DLC1: variants seen among roughly 807,000 people sequenced by gnomAD.
DLC1 encodes the protein DLC1 Rho GTPase activating protein.
A neutral mutation model predicts 140.3 loss-of-function variants in DLC1; 54 were observed. That is an observed-to-expected ratio of 0.38 (90% CI 0.31 to 0.48). The LOEUF (loss-of-function observed/expected upper bound fraction) is 0.48, where lower values mean the gene tolerates loss of function less well. Ranked by LOEUF, DLC1 falls within the 20% of genes least tolerant of loss-of-function variation. The pLI is 0.96. For synonymous variants in DLC1, 986 were observed against 728.1 expected (o/e 1.35, Z -5.70); for missense variants, 2,536 against 1,907.0 (o/e 1.33, Z -6.14).
intron 2 of DLC1, among the ~76,000 whole-genome samples, chr8:13,478,062 G>T (rs895569815): frequency 1.3e-5 from 2 of 152,124 alleles, no homozygotes; most frequent in East Asian, 3.8e-4. Flanking sequence ...GGTTGTTCTC[G>T]CATTGCTATA....
chr8:13,399,443 T>C (rs1177591438), intron 3 of DLC1, among the ~76,000 whole-genome samples: 1 of 152,176 alleles, frequency 6.6e-6, no homozygotes, highest in Non-Finnish European at 1.5e-5. Context: ...ATCCTCTCTC[T>C]CTGAAGCTCA....
chr8:13,123,241 T>C (rs1314406141), intron 5 of DLC1, among the ~76,000 whole-genome samples: 2 of 152,160 alleles, frequency 1.3e-5, no homozygotes, highest in African/African-American at 2.4e-5. Context: ...ATGTCCCACA[T>C]GTCCTGGCCC....
intron 4 of DLC1, among the ~76,000 whole-genome samples, chr8:13,375,919 G>T (rs1309075534): frequency 6.6e-6 from 1 of 152,188 alleles, no homozygotes; most frequent in Non-Finnish European, 1.5e-5. Flanking sequence ...GTCAACATCG[G>T]CTACAAAATA....
intron 4 of DLC1, among the ~76,000 whole-genome samples, chr8:13,389,939 CTTAAAA>C (rs910828664): frequency 2.6e-5 from 4 of 152,150 alleles, no homozygotes; most frequent in Non-Finnish European, 5.9e-5. Flanking sequence ...CATATTTCTA[CTTAAAA>C]TTAAAACTTT....
At chr8:13,136,583 C>G (rs1207875116) in intron 5 of DLC1, among the ~76,000 whole-genome samples, 1 of 152,218 alleles carries the variant, frequency 6.6e-6, no homozygotes, top group African/African-American at 2.4e-5. Flanking sequence ...TCTCAGATCA[C>G]TGCAGCCGAA....
At chr8:13,562,631 T>A (rs1160956524) in intron 1 of DLC1, among the ~76,000 whole-genome samples, 1 of 152,154 alleles carries the variant, frequency 6.6e-6, no homozygotes, top group African/African-American at 2.4e-5. Flanking sequence ...AAATGTCATA[T>A]GTGTACTGCC....
At chr8:13,294,088 C>G in intron 5 of DLC1, among the ~76,000 whole-genome samples, 1 of 152,074 alleles carries the variant, frequency 6.6e-6, no homozygotes, top group East Asian at 1.9e-4. Context: ...ATGCGGAAAA[C>G]CCCCTGTGCT....
upstream of DLC1, among the ~76,000 whole-genome samples, chr8:13,518,955 CT>C (rs1418482079): frequency 6.6e-6 from 1 of 151,646 alleles, no homozygotes; most frequent in East Asian, 1.9e-4. Flanking sequence ...CATGTGTTTT[CT>C]TTTTTTAAAA....
intron 5 of DLC1, among the ~76,000 whole-genome samples, chr8:13,197,107 T>G (rs1461366678): frequency 6.6e-6 from 1 of 152,196 alleles, no homozygotes; most frequent in Non-Finnish European, 1.5e-5. Flanking sequence ...TAATCCTGCA[T>G]ATAGTTTCCT....
intron 2 of DLC1, among the ~76,000 whole-genome samples, chr8:13,461,947 C>G (rs1359647723): frequency 6.6e-6 from 1 of 152,204 alleles, no homozygotes; most frequent in Non-Finnish European, 1.5e-5. Context: ...GTATTTATCT[C>G]TGGTCATATC....
intron 6 of DLC1, among the ~76,000 whole-genome samples, chr8:13,114,327 A>C (rs1820363851): frequency 6.6e-6 from 1 of 152,164 alleles, no homozygotes; most frequent in African/African-American, 2.4e-5. Flanking sequence ...ACACCACTGA[A>C]CTCCAGCCAG....
chr8:13,460,131 G>A (rs1378258), intron 2 of DLC1, among the ~76,000 whole-genome samples: 35,054 of 152,180 alleles, frequency 0.23, 5,044 homozygotes, highest in Middle Eastern at 0.36. Flanking sequence ...TTGAGCACAT[G>A]AGCACATGAA....
At chr8:13,090,149 C>A in intron 15 of DLC1, 103 bp downstream of exon 15, 2 of 1,126,576 alleles carry the variant, frequency 1.8e-6, no homozygotes. Flanking sequence ...AGGTTGTGGG[C>A]TACAGATCCC....
At chr8:13,313,702 C>T (rs1384876464) in intron 4 of DLC1, among the ~76,000 whole-genome samples, 1 of 152,166 alleles carries the variant, frequency 6.6e-6, no homozygotes, top group Non-Finnish European at 1.5e-5. Flanking sequence ...TCCTCCAGTC[C>T]AATTAACTTG....
chr8:13,374,077 G>A (rs60519058), intron 4 of DLC1, among the ~76,000 whole-genome samples: 1 of 152,168 alleles, frequency 6.6e-6, no homozygotes, highest in Non-Finnish European at 1.5e-5. Context: ...TTTCTGCTTA[G>A]GAAATGTGTG....
At chr8:13,270,021 C>T (rs1453947047) in intron 5 of DLC1, among the ~76,000 whole-genome samples, 1 of 148,272 alleles carries the variant, frequency 6.7e-6, no homozygotes, top group Non-Finnish European at 1.5e-5. Flanking sequence ...CGTGCCACTG[C>T]ACTCCAGCCT....
intron 6 of DLC1, among the ~76,000 whole-genome samples, 172 bp from the exon 7 acceptor site, chr8:13,110,995 G>A (rs1043548794): frequency 2.0e-5 from 3 of 152,252 alleles, no homozygotes; most frequent in East Asian, 1.9e-4. Context: ...GAAGCCAATC[G>A]GGCATCACTG....
At chr8:13,589,765 G>A (rs1013737561) in intron 1 of DLC1, among the ~76,000 whole-genome samples, 1 of 149,960 alleles carries the variant, frequency 6.7e-6, no homozygotes, top group Non-Finnish European at 1.5e-5. Context: ...CAGAGATTGT[G>A]TAAATTTTTT....
Position 13,491,952 on chromosome 8 carries a change from T to C in DLC1, c.1023+7097A>G, listed in dbSNP as rs558162941. Among the ~76,000 whole-genome samples the C allele has an allele frequency of 1.1e-4, 17 of 152,350 alleles. No individual in the cohort carries two copies. In the Middle Eastern group the frequency reaches 0.01, roughly 91 times the overall value. ...GCACTGCGGACACAAGGTTGAATAA[T>C]TGTGCTCAGTGAGCTACATTTTAGT... On this transcript the variant is annotated intron_variant, in intron 2 of 17. Transcript: ENST00000276297.
Sources: allele counts gnomAD v4.1 joint callset (sites outside exome capture counted in the v4.1 genomes callset), GRCh38; gene constraint gnomAD v4.1.1; transcripts MANE v1.5; gene names NCBI Gene and HGNC (gene_info 2026-07-23, HGNC 2026-07-21).